Variants in GMPS observed in about 807,000 individuals in gnomAD.
GMPS encodes GMP synthase [glutamine-hydrolyzing].
Under a neutral mutation model 77.9 loss-of-function variants are expected in GMPS, and 15 were observed. That is an observed-to-expected ratio of 0.19 (90% CI 0.13 to 0.30). The LOEUF is 0.30. GMPS is among the 10% of genes least tolerant of loss of function. The pLI is 1.00. For synonymous variants in GMPS, 224 were observed against 275.9 expected, an observed-to-expected ratio of 0.81 and a Z score of 1.86; for missense variants, 590 against 838.8, an observed-to-expected ratio of 0.70 and a Z score of 3.66.
Position 155,922,219 on chromosome 3 carries a change from G to A in GMPS, c.1351G>A (p.Glu451Lys). The A allele has an allele frequency of 1.3e-6, 2 of 1,563,556 alleles. No individual in the cohort carries two copies. Among genetic ancestry groups the A allele is most frequent in the East Asian group, 2.3e-5 (1 of 43,422 alleles). The part of the protein sequence containing the change: ...PGLAIRVICA[E>K]EPYICKDFPE... ...CCTGGCAATCAGAGTAATATGTGCT[G>A]AAGAACCTTATATTTGTAAGGACTT... is the stretch of plus-strand genomic sequence containing the variant. Residue 451 changes from glutamate to lysine, a missense_variant, in exon 11 of 16, where the codon GAA (glutamate) becomes AAA (lysine). Glu to Lys is a moderately conservative substitution (Grantham distance 56). Coordinates refer to ENST00000496455, the MANE Select transcript of GMPS (RefSeq NM_003875.3).
intron 1 of GMPS, among the ~76,000 whole-genome samples, chr3:155,873,544 G>A (rs1753951775): frequency 6.6e-6 from 1 of 151,782 alleles, no homozygotes; most frequent in South Asian, 2.1e-4. Flanking sequence ...TTACAGTAGT[G>A]AGCCACTGTG....
intron 11 of GMPS, among the ~76,000 whole-genome samples, chr3:155,923,563 T>C (rs1241471727): frequency 6.6e-6 from 1 of 152,080 alleles, no homozygotes; most frequent in Non-Finnish European, 1.5e-5. Context: ...ACCCAGGAAA[T>C]TATACTGAAA....
chr3:155,923,966 C>T (rs750864022), intron 11 of GMPS, among the ~76,000 whole-genome samples: 28 of 152,110 alleles, frequency 1.8e-4, no homozygotes, highest in African/African-American at 4.1e-4. Flanking sequence ...CTGCAACCTC[C>T]GCCTCCCAGG....
At chr3:155,935,279 TA>T (rs1408099560) in intron 14 of GMPS, among the ~76,000 whole-genome samples, 1 of 152,188 alleles carries the variant, frequency 6.6e-6, no homozygotes, top group East Asian at 1.9e-4. Flanking sequence ...TGCCTCCTGT[TA>T]CAAGTGATTC....
At chr3:155,872,064 T>C (rs1163620565) in intron 1 of GMPS, among the ~76,000 whole-genome samples, 1 of 150,462 alleles carries the variant, frequency 6.6e-6, no homozygotes, top group Non-Finnish European at 1.5e-5. Flanking sequence ...CTTAATTAAA[T>C]TTCATTCGGG....
intron 2 of GMPS, among the ~76,000 whole-genome samples, chr3:155,897,015 G>C (rs553642982): frequency 1.3e-5 from 2 of 152,232 alleles, no homozygotes; most frequent in South Asian, 4.2e-4. Flanking sequence ...GAGTGGGCAT[G>C]TGTGGCAAAC....
chr3:155,938,361 A>G lies in GMPS; in HGVS notation c.*669A>G, dbSNP rs1374639715. ...ATGAATGGTCTTAAAATGTTTTCAA[A>G]CCATGTTCCACATAGATGCCATGTT... On this transcript the variant is annotated 3_prime_UTR_variant, in exon 16 of 16. Transcript: ENST00000496455. The G allele has an allele frequency of 9.3e-6, 2 of 215,674 alleles. No individual in the cohort carries two copies. The highest frequency in any genetic ancestry group is 1.9e-5 in the Non-Finnish European group (2 of 106,920). 13.4% of individuals were successfully genotyped at this position (215,674 alleles called of 1,614,324 possible).
chr3:155,905,754 G>T (rs1754865248), intron 4 of GMPS, among the ~76,000 whole-genome samples: 1 of 152,130 alleles, frequency 6.6e-6, no homozygotes, highest in Non-Finnish European at 1.5e-5. Flanking sequence ...AACAGTTTCA[G>T]TACTAAGTCC....
chr3:155,932,290 A>ACACG (rs1400454903), intron 13 of GMPS, among the ~76,000 whole-genome samples: 2 of 151,676 alleles, frequency 1.3e-5, no homozygotes, highest in Non-Finnish European at 2.9e-5. Context: ...ACACACACAC[A>ACACG]CACACACACA....
chr3:155,873,638 C>CTTTTTTTTTTTTTTG (rs1753955903), intron 1 of GMPS, among the ~76,000 whole-genome samples: 1 of 82,576 alleles, frequency 1.2e-5, no homozygotes, highest in Admixed American at 1.8e-4. Flanking sequence ...TGAGTAAGTT[C>CTTTTTTTTTTTTTTG]TTTTTTTTTT....
At chr3:155,869,496 G>A (rs576660753), upstream of GMPS, among the ~76,000 whole-genome samples, 8 of 152,178 alleles carry the variant, frequency 5.3e-5, no homozygotes, top group Non-Finnish European at 1.2e-4. Flanking sequence ...AAAGGTAAGC[G>A]AAATACTTAA....
At position 155,916,198 on chromosome 3, in the gene GMPS, A is replaced by C. The variant is rs1167183673; in HGVS notation, c.1212+6A>C. Reference sequence around the variant, plus strand: ...TCAGAAAGTTGAGAGAGGAGGTAAAAGTTTATGAAAACTTTTTCATAAAGT... The same window carrying C: ...TCAGAAAGTTGAGAGAGGAGGTAAACGTTTATGAAAACTTTTTCATAAAGT... On this transcript the variant is annotated splice_donor_region_variant and intron_variant, in intron 9 of 15. Coordinates refer to ENST00000496455, the MANE Select transcript of GMPS (RefSeq NM_003875.3). 1 of 1,595,142 alleles carries C rather than the reference A, an allele frequency of 6.3e-7. No homozygotes were observed. Among genetic ancestry groups the C allele is most frequent in the African/African-American group, 1.3e-5 (1 of 74,298 alleles).
At position 155,903,930 on chromosome 3, in the gene GMPS, T is replaced by C; in HGVS notation, c.392T>C (p.Ile131Thr). 4.0e-6 allele frequency: 6 copies of C among 1,505,844 alleles called. No individual in the cohort carries two copies. Among genetic ancestry groups the C allele is most frequent in the Non-Finnish European group, 5.5e-6 (6 of 1,095,138 alleles). 93.3% of individuals were successfully genotyped at this position (1,505,844 alleles called of 1,614,324 possible). ...GTCAGAGAAGATGGAGTTTTCAACATTAGTGTGGATAATACATGTTCATTA... is the reference window on the plus strand; with the variant it reads ...GTCAGAGAAGATGGAGTTTTCAACACTAGTGTGGATAATACATGTTCATTA... ...KSVREDGVFN[I>T]SVDNTCSLFR... The change falls in exon 4 of 16, where the codon ATT (isoleucine) becomes ACT (threonine). Residue 131 changes from isoleucine to threonine, a missense_variant. Coordinates refer to ENST00000496455, the MANE Select transcript of GMPS (RefSeq NM_003875.3).
At chr3:155,925,031 AT>A (rs1755416315) in intron 11 of GMPS, among the ~76,000 whole-genome samples, 1 of 152,242 alleles carries the variant, frequency 6.6e-6, no homozygotes, top group African/African-American at 2.4e-5. Context: ...GTATGTAAAT[AT>A]AATCTGCATT....
rs949585991 is a variant in GMPS at position 155,940,830 on chromosome 3, C to T, written c.*3138C>T. The T allele has an allele frequency of 4.7e-6, 1 of 210,734 alleles. No individual in the cohort carries two copies. Among genetic ancestry groups the T allele is most frequent in the African/African-American group, 2.3e-5 (1 of 43,574 alleles). 13.1% of individuals were successfully genotyped at this position (210,734 alleles called of 1,614,324 possible). A position where few individuals can be genotyped will look rare whatever the true frequency, so the allele number is the denominator to read the frequency against. ...GCACCGTAAAGTTAAATCCTAGTTA[C>T]CTTTTTTTGAAGCTGTTGGCAAGGT... is the stretch of plus-strand genomic sequence containing the variant. On this transcript the variant is annotated 3_prime_UTR_variant, in exon 16 of 16. Transcript: ENST00000496455.
chr3:155,897,287 C>A (rs1754626694), intron 2 of GMPS, among the ~76,000 whole-genome samples: 1 of 152,102 alleles, frequency 6.6e-6, no homozygotes, highest in Non-Finnish European at 1.5e-5. Flanking sequence ...GTTTGACTCC[C>A]AAGTTAACCC....
At chr3:155,916,704 G>T (rs375042290) in intron 9 of GMPS, among the ~76,000 whole-genome samples, 18 of 152,216 alleles carry the variant, frequency 1.2e-4, no homozygotes, top group East Asian at 3.9e-4. Context: ...CTTTTTGGCT[G>T]TTATAAGTAA....
chr3:155,874,769 A>G (rs1753998422), intron 1 of GMPS, among the ~76,000 whole-genome samples: 1 of 152,212 alleles, frequency 6.6e-6, no homozygotes, highest in Non-Finnish European at 1.5e-5. Flanking sequence ...TTATACTTGT[A>G]CAAATGTATT....
intron 12 of GMPS, 69 bp from the exon 13 acceptor site, chr3:155,931,696 A>G: frequency 3.3e-6 from 2 of 609,974 alleles, no homozygotes; most frequent in Non-Finnish European, 2.9e-6. Flanking sequence ...AAAAAAAAAA[A>G]AGCTTTGTCA....
Sources: gnomAD v4.1 joint callset for allele counts (sites outside exome capture counted in the v4.1 genomes callset) on GRCh38, gnomAD v4.1.1 for gene constraint, MANE v1.5 for transcripts, NCBI Gene and HGNC (gene_info 2026-07-23, HGNC 2026-07-21) for gene names.